DIAPH3: variants seen among roughly 807,000 people sequenced by gnomAD.
The protein encoded by DIAPH3 is diaphanous related formin 3.
In DIAPH3, 117 loss-of-function variants were observed where a neutral mutation model predicts 144.3. The ratio of observed to expected loss-of-function variants is 0.81; its 90% CI spans 0.70 to 0.95. The LOEUF (loss-of-function observed/expected upper bound fraction) is 0.95. DIAPH3 is among the 40% of genes least tolerant of loss of function. The pLI, the probability that DIAPH3 is intolerant of heterozygous loss-of-function variation, is 0.00. For missense variants in DIAPH3, 1,421 were observed against 1,412.7 expected (o/e 1.01, Z -0.09); for synonymous variants, 519 against 488.9 (o/e 1.06, Z -0.81).
intron 20 of DIAPH3, among the ~76,000 whole-genome samples, chr13:59,893,545 T>C (rs1566478427): frequency 6.6e-6 from 1 of 151,716 alleles, no homozygotes; most frequent in African/African-American, 2.4e-5. Context: ...GTCAGATCCC[T>C]GAATGCAATT....
rs533186256 is a variant in DIAPH3 at position 59,678,024 on chromosome 13, T to C, written c.3320-11178A>G. Among the ~76,000 whole-genome samples, 22 of 152,300 alleles carry C rather than the reference T, an allele frequency of 1.4e-4. 2 individuals carry two copies. In the South Asian group the frequency reaches 4.6e-3, roughly 32 times the overall value. ...CTTCTACTTTTGCTTACTAGTTCTGTACATGTTTTAGTAAATCCATGAAAA... is the reference window on the plus strand; with the variant it reads ...CTTCTACTTTTGCTTACTAGTTCTGCACATGTTTTAGTAAATCCATGAAAA... On this transcript the variant is annotated intron_variant, in intron 27 of 27. Transcript: ENST00000400324.
intron 1 of DIAPH3, among the ~76,000 whole-genome samples, chr13:60,139,291 T>A (rs546915138): frequency 6.6e-6 from 1 of 152,184 alleles, no homozygotes; most frequent in Non-Finnish European, 1.5e-5. Flanking sequence ...TAAGTTGACA[T>A]GTTTTTTCAG....
chr13:59,709,180 T>C (rs1472579647), intron 27 of DIAPH3, among the ~76,000 whole-genome samples: 2 of 152,232 alleles, frequency 1.3e-5, no homozygotes, highest in Admixed American at 6.5e-5. Flanking sequence ...CCTGTAATTT[T>C]ATAGAATCAT....
At chr13:59,846,689 A>G (rs576907333) in intron 22 of DIAPH3, among the ~76,000 whole-genome samples, 3 of 152,306 alleles carry the variant, frequency 2.0e-5, no homozygotes, top group South Asian at 4.1e-4. Context: ...AATCCATTAC[A>G]TGACAAAAAG....
At chr13:60,128,909 A>G (rs570301900) in intron 2 of DIAPH3, among the ~76,000 whole-genome samples, 1 of 152,308 alleles carries the variant, frequency 6.6e-6, no homozygotes, top group South Asian at 2.1e-4. Context: ...TGAGAAGCAG[A>G]GAGTTTAGGA....
intron 4 of DIAPH3, among the ~76,000 whole-genome samples, chr13:60,074,054 A>G (rs1394346991): frequency 6.6e-6 from 1 of 152,168 alleles, no homozygotes; most frequent in Non-Finnish European, 1.5e-5. Flanking sequence ...GAAAACTTTG[A>G]TAAAGGAGGC....
chr13:59,927,104 A>G (rs183799034), intron 17 of DIAPH3, among the ~76,000 whole-genome samples: 1 of 149,016 alleles, frequency 6.7e-6, no homozygotes, highest in Non-Finnish European at 1.5e-5. Context: ...TCTTTTTGAC[A>G]AAGTCTGTTT....
At chr13:59,895,160 C>T (rs1335062594) in intron 20 of DIAPH3, among the ~76,000 whole-genome samples, 1 of 152,038 alleles carries the variant, frequency 6.6e-6, no homozygotes, top group Non-Finnish European at 1.5e-5. Context: ...AATTTCCTAA[C>T]ATATAACAAT....
chr13:59,982,274 G>T (rs1200550687), intron 13 of DIAPH3, among the ~76,000 whole-genome samples: 1 of 151,050 alleles, frequency 6.6e-6, no homozygotes, highest in Non-Finnish European at 1.5e-5. Context: ...CTTCTCAAGA[G>T]CTCAGTGAAA....
intron 4 of DIAPH3, among the ~76,000 whole-genome samples, chr13:60,064,045 C>G (rs1193433593): frequency 1.3e-5 from 2 of 152,132 alleles, no homozygotes; most frequent in East Asian, 3.8e-4. Context: ...AATAGTAGGT[C>G]TCAACAAGCG....
intron 20 of DIAPH3, among the ~76,000 whole-genome samples, chr13:59,898,348 C>T (rs1414746303): frequency 1.3e-5 from 2 of 151,940 alleles, no homozygotes; most frequent in Non-Finnish European, 2.9e-5. Flanking sequence ...ACTCATACAA[C>T]GTTTCATAAC....
chr13:60,039,747 T>TG (rs1294349598), intron 5 of DIAPH3, among the ~76,000 whole-genome samples: 3 of 152,186 alleles, frequency 2.0e-5, no homozygotes, highest in Admixed American at 6.5e-5. Flanking sequence ...GGTCTAACAA[T>TG]GATCTCAAAC....
At chr13:60,131,115 T>C (rs1263806735) in intron 2 of DIAPH3, among the ~76,000 whole-genome samples, 1 of 152,100 alleles carries the variant, frequency 6.6e-6, no homozygotes, top group African/African-American at 2.4e-5. Context: ...AATGTCATCA[T>C]ACAGAATACT....
chr13:59,731,697 A>C (rs1170116943), intron 27 of DIAPH3, among the ~76,000 whole-genome samples: 1 of 152,190 alleles, frequency 6.6e-6, no homozygotes, highest in Admixed American at 6.5e-5. Flanking sequence ...ATATTCAAAG[A>C]TCATACGAGT....
At chr13:60,070,659 T>G (rs77881346) in intron 4 of DIAPH3, among the ~76,000 whole-genome samples, 1 of 152,172 alleles carries the variant, frequency 6.6e-6, no homozygotes, top group African/African-American at 2.4e-5. Context: ...TTTCCCTTTT[T>G]GCTCAAATTA....
chr13:60,132,921 A>C (rs1221397910), intron 2 of DIAPH3, 36 bp downstream of exon 2: 2 of 1,569,932 alleles, frequency 1.3e-6, no homozygotes, highest in African/African-American at 1.4e-5. Context: ...GGTTAGTTAC[A>C]ATTCATAACA....
chr13:60,022,135 C>T (rs1202887587), intron 5 of DIAPH3, among the ~76,000 whole-genome samples: 6 of 152,048 alleles, frequency 3.9e-5, no homozygotes, highest in Non-Finnish European at 5.9e-5. Flanking sequence ...GTGATAAGTT[C>T]TAGGAGTTTT....
chr13:60,029,526 T>G (rs1012701110), intron 5 of DIAPH3, among the ~76,000 whole-genome samples: 1 of 152,172 alleles, frequency 6.6e-6, no homozygotes, highest in African/African-American at 2.4e-5. Context: ...GCTAGTCTCT[T>G]GAAAGTGAGT....
At chr13:59,789,863 T>G (rs150193780) in intron 25 of DIAPH3, among the ~76,000 whole-genome samples, 1 of 152,294 alleles carries the variant, frequency 6.6e-6, no homozygotes, top group African/African-American at 2.4e-5. Context: ...GTGTCAAGCC[T>G]GGGTGACTGG....
Sources: gnomAD v4.1 joint callset for allele counts (sites outside exome capture counted in the v4.1 genomes callset) on GRCh38, gnomAD v4.1.1 for gene constraint, MANE v1.5 for transcripts, NCBI Gene and HGNC (gene_info 2026-07-23, HGNC 2026-07-21) for gene names.